UGGT2: variants seen among roughly 807,000 people sequenced by gnomAD.
UGGT2 encodes UDP-glucose glycoprotein glucosyltransferase 2, also known as UDP-glucose:glycoprotein glucosyltransferase 2.
Under a neutral mutation model 192.1 loss-of-function variants are expected in UGGT2, and 180 were observed. That is an observed-to-expected ratio of 0.94 (90% CI 0.83 to 1.06). The LOEUF is 1.06. Among genes scored for constraint, UGGT2 ranks in the 50% least tolerant of loss-of-function variants. UGGT2 has a pLI of 0.00. For missense variants in UGGT2, 1,849 were observed against 1,795.7 expected (o/e 1.03, Z -0.54); for synonymous variants, 580 against 591.0 (o/e 0.98, Z 0.27).
chr13:95,925,665 TATC>T lies in UGGT2; in HGVS notation c.2295+12_2295+14del, dbSNP rs775148187. 1.6e-5 allele frequency: 23 copies of T among 1,455,026 alleles called. No homozygotes were observed. The highest frequency in any genetic ancestry group is 2.0e-5 in the Non-Finnish European group (22 of 1,086,092). The allele number at this position is 1,455,026 out of a possible 1,614,324, so 90.1% of individuals were successfully genotyped here. ...AATAAATTAAAATTGTTAGTAAGAATATCTAGGTACTCACCATGTGCTTTAATG... is the reference window on the plus strand; with the variant it reads ...AATAAATTAAAATTGTTAGTAAGAATTAGGTACTCACCATGTGCTTTAATG... On this transcript the variant is annotated intron_variant, in intron 20 of 38. Coordinates refer to ENST00000376747, the MANE Select transcript of UGGT2 (RefSeq NM_020121.4).
chr13:95,939,922 T>C, intron 16 of UGGT2, 35 bp downstream of exon 16: 1 of 1,515,346 alleles, frequency 6.6e-7, no homozygotes, highest in African/African-American at 1.4e-5. Context: ...TTTCTGTGCC[T>C]GGCCTACTCC....
chr13:95,896,581 G>A (rs560530941), intron 22 of UGGT2, among the ~76,000 whole-genome samples: 10 of 152,096 alleles, frequency 6.6e-5, no homozygotes, highest in Non-Finnish European at 1.3e-4. Flanking sequence ...TTAGAATAAG[G>A]AAATAAAATC....
chr13:95,932,571 T>C (rs2049324671), intron 17 of UGGT2, among the ~76,000 whole-genome samples: 1 of 152,176 alleles, frequency 6.6e-6, no homozygotes, highest in African/African-American at 2.4e-5. Context: ...TTTTACTATT[T>C]GGATGCCTTT....
At chr13:96,033,352 C>A (rs922352919) in intron 1 of UGGT2, among the ~76,000 whole-genome samples, 1 of 152,144 alleles carries the variant, frequency 6.6e-6, no homozygotes, top group South Asian at 2.1e-4. Context: ...CTGGTGGGAG[C>A]AAGGAACAGG....
At position 95,856,242 on chromosome 13, in the gene UGGT2, C is replaced by T; in HGVS notation, c.3924G>A (p.Arg1308=). The T allele has an allele frequency of 1.2e-6, 2 of 1,613,660 alleles. No homozygotes were observed. The highest frequency in any genetic ancestry group is 2.2e-5 in the South Asian group (2 of 91,058). The change falls in exon 34 of 39, where the codon AGG becomes AGA. Residue 1308 remains arginine, a synonymous_variant. Coordinates refer to ENST00000376747, the MANE Select transcript of UGGT2 (RefSeq NM_020121.4). The stretch of plus-strand genomic sequence containing the variant: ...AAAGAATTTTGTAACCCCAAATAAT[C>T]CTCTGTCTTTCAGTCTGTTGACGAA... ...RWLRQQTERQ[R]IIWGYKILFL...
chr13:95,858,383 T>A (rs1889823649), intron 33 of UGGT2, among the ~76,000 whole-genome samples: 1 of 151,956 alleles, frequency 6.6e-6, no homozygotes, highest in East Asian at 1.9e-4. Flanking sequence ...CCACAAAGCA[T>A]CAGTTCAACA....
chr13:95,855,989 T>C (rs748854949), intron 34 of UGGT2, among the ~76,000 whole-genome samples, 169 bp downstream of exon 34: 7 of 152,170 alleles, frequency 4.6e-5, no homozygotes, highest in Admixed American at 6.5e-5. Context: ...AATTTTCCCC[T>C]GGAATTCTGA....
chr13:95,878,221 T>C (rs537391339), intron 27 of UGGT2, among the ~76,000 whole-genome samples: 1 of 152,190 alleles, frequency 6.6e-6, no homozygotes, highest in Admixed American at 6.5e-5. Flanking sequence ...TAACTTACTA[T>C]CTATTGGCTT....
intron 20 of UGGT2, among the ~76,000 whole-genome samples, chr13:95,916,553 T>C (rs1422007596): frequency 6.6e-5 from 10 of 152,130 alleles, no homozygotes. Flanking sequence ...GAGGCCAAGA[T>C]GGCTGAAGTG....
chr13:96,034,083 C>T (rs1033336271), intron 1 of UGGT2, among the ~76,000 whole-genome samples: 6 of 152,264 alleles, frequency 3.9e-5, no homozygotes, highest in Middle Eastern at 3.4e-3. Flanking sequence ...ACACTTACCC[C>T]CCTCTGAAGC....
intron 20 of UGGT2, among the ~76,000 whole-genome samples, chr13:95,907,808 C>A (rs2048340633): frequency 6.6e-6 from 1 of 152,158 alleles, no homozygotes; most frequent in East Asian, 1.9e-4. Flanking sequence ...AACAGAAAAG[C>A]TGAAAATTCT....
rs546511238 is a variant in UGGT2 at position 96,045,757 on chromosome 13, T to C, written c.158+7398A>G. Among the ~76,000 whole-genome samples the C allele has an allele frequency of 4.0e-4, 61 of 152,044 alleles. 1 individual carries two copies. The highest frequency in any genetic ancestry group is 1.4e-3 in the African/African-American group (59 of 41,474). On this transcript the variant is annotated intron_variant, in intron 1 of 38. Transcript: ENST00000376747. ...TACAACAGCTCCAACAAAAATAAAA[T>C]GCTTAGGAATACACCTAACAAATGA...
chr13:95,812,890 G>A (rs1042326062), intron 38 of UGGT2, among the ~76,000 whole-genome samples: 3 of 152,234 alleles, frequency 2.0e-5, no homozygotes, highest in Non-Finnish European at 4.4e-5. Context: ...GCTGATTGCC[G>A]TGATGGATGC....
chr13:95,992,317 C>T, intron 7 of UGGT2, among the ~76,000 whole-genome samples: 1 of 152,192 alleles, frequency 6.6e-6, no homozygotes. Context: ...TTCTTCCAAT[C>T]CATGAGCATG....
chr13:95,895,988 C>T (rs988279050), intron 22 of UGGT2, among the ~76,000 whole-genome samples: 2 of 151,984 alleles, frequency 1.3e-5, no homozygotes, highest in Non-Finnish European at 2.9e-5. Context: ...AATGGCTCTC[C>T]CATCACAACC....
At chr13:95,910,690 G>C (rs957528051) in intron 20 of UGGT2, among the ~76,000 whole-genome samples, 7 of 152,128 alleles carry the variant, frequency 4.6e-5, no homozygotes, top group African/African-American at 1.4e-4. Context: ...CAAGACAAAT[G>C]TTAACAAGGA....
At chr13:95,955,927 T>C (rs1329540127) in intron 12 of UGGT2, among the ~76,000 whole-genome samples, 2 of 152,318 alleles carry the variant, frequency 1.3e-5, no homozygotes, top group Non-Finnish European at 2.9e-5. Flanking sequence ...AGTTTCTTCA[T>C]CTGTATAATG....
At chr13:95,965,577 C>G (rs1243868772) in intron 12 of UGGT2, among the ~76,000 whole-genome samples, 1 of 121,746 alleles carries the variant, frequency 8.2e-6, no homozygotes, top group East Asian at 2.4e-4. Context: ...GAACATCACA[C>G]TCTGGGGTCT....
intron 5 of UGGT2, among the ~76,000 whole-genome samples, chr13:96,011,188 T>G (rs966944420): frequency 6.6e-6 from 1 of 151,904 alleles, no homozygotes; most frequent in Non-Finnish European, 1.5e-5. Flanking sequence ...TGGTGATGAG[T>G]TTTTAGATAT....
Sources: allele counts gnomAD v4.1 joint callset (sites outside exome capture counted in the v4.1 genomes callset), GRCh38; gene constraint gnomAD v4.1.1; transcripts MANE v1.5; gene names NCBI Gene and HGNC (gene_info 2026-07-23, HGNC 2026-07-21).